Variants in PISD observed in about 807,000 individuals in gnomAD.
PISD encodes the protein phosphatidylserine decarboxylase proenzyme, mitochondrial.
In PISD, 31 loss-of-function variants were observed where a neutral mutation model predicts 43.5. The observed-to-expected ratio is 0.71, with a 90% CI of 0.54 to 0.96. The LOEUF is 0.96. Ranked by LOEUF, PISD falls within the 40% of genes least tolerant of loss-of-function variation. The probability of loss-of-function intolerance (pLI) is 0.00; values close to 1 mark genes in which losing one functional copy is unlikely to be tolerated. For missense variants in PISD, 523 were observed against 548.4 expected, an observed-to-expected ratio of 0.95 and a Z score of 0.46; for synonymous variants, 259 against 228.7, an observed-to-expected ratio of 1.13 and a Z score of -1.20.
At chr22:31,655,254 T>C (rs942930899) in intron 1 of PISD, among the ~76,000 whole-genome samples, 2 of 151,418 alleles carry the variant, frequency 1.3e-5, no homozygotes, top group African/African-American at 4.9e-5. Flanking sequence ...AACATTACTA[T>C]AATTAACACA....
chr22:31,620,680 C>T lies in PISD; in HGVS notation c.878G>A (p.Arg293His), dbSNP rs746178128. The change falls in exon 7 of 8, where the codon CGC (arginine) becomes CAC (histidine). Residue 293 changes from arginine to histidine, a missense_variant. Arg to His is a conservative substitution (Grantham distance 29). Transcript: ENST00000439502. ...SLMSVNPGMA[R>H]WIKELFCHNE... is the part of the protein sequence containing the mutation. Reference sequence around the variant, plus strand: ...ATGGCAGAAGAGCTCTTTGATCCAGCGAGCCATGCCAGGGTTCACTGACAT... The same window carrying T: ...ATGGCAGAAGAGCTCTTTGATCCAGTGAGCCATGCCAGGGTTCACTGACAT... 19 of 1,614,038 alleles carry T rather than the reference C, an allele frequency of 1.2e-5. No individual in the cohort carries two copies. The highest frequency in any genetic ancestry group is 8.3e-5 in the Admixed American group (5 of 60,014).
intron 3 of PISD, among the ~76,000 whole-genome samples, chr22:31,640,880 G>T (rs1486823073): frequency 2.4e-4 from 6 of 24,592 alleles, no homozygotes; most frequent in Admixed American, 8.5e-4. Flanking sequence ...CACACCCGGT[G>T]TTTTTTTTTT....
intron 3 of PISD, 31 bp from the exon 4 acceptor site, chr22:31,621,916 A>T: frequency 6.6e-7 from 1 of 1,511,294 alleles, no homozygotes; most frequent in South Asian, 1.1e-5. Context: ...GGCTGAGTTG[A>T]CCACACTGCC....
At chr22:31,648,392 T>G in intron 2 of PISD, 116 bp from the exon 3 acceptor site, 4 of 812,966 alleles carry the variant, frequency 4.9e-6, no homozygotes, top group Non-Finnish European at 3.9e-6. Flanking sequence ...AAGCCCTCAG[T>G]AGGGGACCAG....
chr22:31,654,777 A>G (rs1280531134), intron 1 of PISD, among the ~76,000 whole-genome samples: 2 of 152,132 alleles, frequency 1.3e-5, no homozygotes, highest in East Asian at 3.8e-4. Flanking sequence ...TGTGGGAAGT[A>G]TTAAAGATGG....
intron 3 of PISD, among the ~76,000 whole-genome samples, chr22:31,644,450 A>G (rs966900086): frequency 6.6e-6 from 1 of 151,950 alleles, no homozygotes; most frequent in Non-Finnish European, 1.5e-5. Context: ...CATGTTAACC[A>G]GGATGGTCTC....
At chr22:31,656,048 C>T (rs995572869) in intron 1 of PISD, among the ~76,000 whole-genome samples, 1 of 150,280 alleles carries the variant, frequency 6.7e-6, no homozygotes, top group Non-Finnish European at 1.5e-5. Flanking sequence ...AATCTCAGCA[C>T]TTTGAGAGGC....
At chr22:31,647,257 T>G (rs2073911151) in intron 3 of PISD, among the ~76,000 whole-genome samples, 1 of 152,150 alleles carries the variant, frequency 6.6e-6, no homozygotes, top group Admixed American at 6.6e-5. Context: ...AGACAGAAAG[T>G]GACATGTCCC....
At chr22:31,662,365 C>CAGGTGCCAAGCGGG, upstream of PISD, 1 of 705,046 alleles carries the variant, frequency 1.4e-6, no homozygotes, top group Non-Finnish European at 2.5e-6. Flanking sequence ...ACCTAACCCG[C>CAGGTGCCAAGCGGG]TTGGCACCTG....
At chr22:31,637,157 AAAAAAAAATAT>A (rs1380221743) in intron 3 of PISD, among the ~76,000 whole-genome samples, 185 of 36,880 alleles carry the variant, frequency 5.0e-3, no homozygotes, top group Middle Eastern at 0.017. Flanking sequence ...AAAAAAAAAA[AAAAAAAAATAT>A]ATATATATAT....
intron 1 of PISD, among the ~76,000 whole-genome samples, chr22:31,658,855 C>CT (rs112877920): frequency 0.056 from 6,651 of 118,590 alleles, 175 homozygotes; most frequent in African/African-American, 0.069. Context: ...TTTTCTTTTT[C>CT]TTTTTTTTTT....
chr22:31,622,437 G>A (rs182886052), intron 3 of PISD, among the ~76,000 whole-genome samples: 21 of 152,316 alleles, frequency 1.4e-4, no homozygotes, highest in African/African-American at 5.1e-4. Flanking sequence ...GCAGGTCTGC[G>A]ATGTCACTGT....
chr22:31,659,452 A>T (rs2074261677), intron 1 of PISD, among the ~76,000 whole-genome samples: 1 of 152,110 alleles, frequency 6.6e-6, no homozygotes, highest in African/African-American at 2.4e-5. Flanking sequence ...TTCTGATGGA[A>T]GTCATGCACG....
intron 3 of PISD, among the ~76,000 whole-genome samples, chr22:31,635,311 C>T (rs1208598955): frequency 6.6e-6 from 1 of 151,808 alleles, no homozygotes; most frequent in Non-Finnish European, 1.5e-5. Context: ...AGTTCCATGT[C>T]TTTTTTTTGG....
intron 7 of PISD, 50 bp downstream of exon 7, chr22:31,620,503 A>G (rs2072490968): frequency 1.3e-6 from 2 of 1,581,044 alleles, no homozygotes; most frequent in East Asian, 4.5e-5. Context: ...AGGCAGGTAG[A>G]CCCAAGAGGT....
intron 4 of PISD, 85 bp from the exon 5 acceptor site, chr22:31,621,557 G>C (rs1439097733): frequency 6.3e-7 from 1 of 1,598,540 alleles, no homozygotes; most frequent in Non-Finnish European, 8.5e-7. Context: ...TTGTCATCCT[G>C]CCCCTTCCAG....
intron 3 of PISD, among the ~76,000 whole-genome samples, chr22:31,633,525 C>T (rs1331873449): frequency 6.6e-6 from 1 of 152,162 alleles, no homozygotes. Flanking sequence ...ACCATCCTGG[C>T]TAACACGGTG....
intron 3 of PISD, among the ~76,000 whole-genome samples, chr22:31,645,168 T>A (rs78605342): frequency 0.039 from 5,933 of 151,798 alleles, 355 homozygotes; most frequent in African/African-American, 0.13. Flanking sequence ...TTATTTAAAG[T>A]ATTATATAAA....
chr22:31,630,612 G>C lies in PISD; in HGVS notation c.322-8727C>G. ...GGGACGGAAAAAAAGCCCACGACTC[G>C]CTCAACCTTGTCCGCGGGGCTCCTC... On this transcript the variant is annotated intron_variant, in intron 3 of 7. Coordinates refer to ENST00000439502, the MANE Select transcript of PISD (RefSeq NM_001326411.2). The surrounding 1 kb of genome is among the most constrained non-coding windows in gnomAD (Gnocchi z 4.4). The C allele has an allele frequency of 3.4e-6, 2 of 592,044 alleles. No homozygotes were observed. Among genetic ancestry groups the C allele is most frequent in the Non-Finnish European group, 4.3e-6 (2 of 470,188 alleles). The allele number at this position is 592,044 out of a possible 1,614,324, so 36.7% of individuals were successfully genotyped here. A position where few individuals can be genotyped will look rare whatever the true frequency, so the allele number is the denominator to read the frequency against.
Sources: gnomAD v4.1 joint callset for allele counts (sites outside exome capture counted in the v4.1 genomes callset) on GRCh38, gnomAD v4.1.1 for gene constraint, Gnocchi (gnomAD v3.1) non-coding constraint, MANE v1.5 for transcripts, NCBI Gene and HGNC (gene_info 2026-07-23, HGNC 2026-07-21) for gene names.